The following VPS45 variants were observed in gnomAD, a reference collection of about 807,000 sequenced individuals.
VPS45 encodes vacuolar protein sorting 45 homolog.
VPS45 carries 35 observed loss-of-function variants against 75.9 expected under a neutral mutation model. The observed-to-expected ratio is 0.46, with a 90% CI of 0.35 to 0.61. VPS45 has a LOEUF of 0.61. Among genes scored for constraint, VPS45 ranks in the 20% least tolerant of loss-of-function variants. The probability of loss-of-function intolerance (pLI) is 0.00; values close to 1 mark genes in which losing one functional copy is unlikely to be tolerated. For missense variants in VPS45, 559 were observed against 685.9 expected (o/e 0.81, Z 2.07); for synonymous variants, 220 against 238.2 (o/e 0.92, Z 0.70).
In VPS45 at chr1:150,087,383, G is replaced by A. The variant is rs766368812; in HGVS notation, c.1104+4500G>A. ...ACTCAGTCATTGTTATAATGTGACA[G>A]TGTTCTTTTCTAATAGTCACAAGGC... On this transcript the variant is annotated intron_variant, in intron 10 of 14. Coordinates refer to ENST00000644510, the MANE Select transcript of VPS45 (RefSeq NM_007259.5). 4.4e-4 allele frequency among the ~76,000 whole-genome samples: 67 copies of A among 152,332 alleles called. 1 individual carries two copies. Among genetic ancestry groups the A allele is most frequent in the East Asian group, 5.8e-4 (3 of 5,190 alleles).
intron 14 of VPS45, among the ~76,000 whole-genome samples, chr1:150,118,531 G>A (rs150866048): frequency 0.013 from 2,049 of 151,846 alleles, 45 homozygotes; most frequent in African/African-American, 0.043. Flanking sequence ...TCAGCCTCCA[G>A]AGTAGCTGGC....
intron 10 of VPS45, among the ~76,000 whole-genome samples, chr1:150,090,550 C>A (rs72694905): frequency 0.16 from 23,734 of 151,922 alleles, 2,030 homozygotes; most frequent in African/African-American, 0.19. Context: ...AGAAAGAAAA[C>A]ATTCATATAA....
chr1:150,140,696 A>G (rs1659351056), intron 14 of VPS45, among the ~76,000 whole-genome samples: 1 of 152,118 alleles, frequency 6.6e-6, no homozygotes, highest in African/African-American at 2.4e-5. Context: ...AGTGATGAGG[A>G]TAAGGAGGGT....
chr1:150,080,151 T>TG (rs1202983937), intron 7 of VPS45, among the ~76,000 whole-genome samples: 4 of 150,694 alleles, frequency 2.7e-5, no homozygotes, highest in Non-Finnish European at 5.9e-5. Flanking sequence ...TGTTGTACGT[T>TG]TTTTTTTTTT....
chr1:150,076,512 G>A (rs1655393994), intron 4 of VPS45, 200 bp downstream of exon 4: 1 of 477,900 alleles, frequency 2.1e-6, no homozygotes, highest in Non-Finnish European at 3.7e-6. Context: ...GGATGTGATA[G>A]GTGATAAATG....
chr1:150,122,579 G>T (rs1424350899), intron 14 of VPS45, among the ~76,000 whole-genome samples: 2 of 151,844 alleles, frequency 1.3e-5, no homozygotes, highest in Non-Finnish European at 1.5e-5. Flanking sequence ...TTGGGTTGGG[G>T]TTTTTTTTAA....
intron 13 of VPS45, among the ~76,000 whole-genome samples, chr1:150,096,603 C>T (rs1463427225): frequency 3.3e-5 from 5 of 151,936 alleles, no homozygotes; most frequent in South Asian, 2.1e-4. Context: ...AAAAGGAGGA[C>T]AAATAAGCCA....
At chr1:150,112,566 C>T (rs1002909697) in intron 14 of VPS45, among the ~76,000 whole-genome samples, 1 of 152,100 alleles carries the variant, frequency 6.6e-6, no homozygotes, top group Non-Finnish European at 1.5e-5. Context: ...ACACCAAATA[C>T]ACCATGTCTT....
chr1:150,102,628 G>T (rs1657106177), intron 13 of VPS45, among the ~76,000 whole-genome samples: 1 of 150,824 alleles, frequency 6.6e-6, no homozygotes, highest in Non-Finnish European at 1.5e-5. Flanking sequence ...CAACCTAAAT[G>T]CCCACCAATG....
chr1:150,104,342 T>C lies in VPS45; in HGVS notation c.1494-6154T>C, dbSNP rs115150614. 7.4e-3 allele frequency among the ~76,000 whole-genome samples: 1,127 copies of C among 152,324 alleles called. 19 individuals are homozygous for C. Among genetic ancestry groups the C allele is most frequent in the African/African-American group, 0.026 (1,086 of 41,564 alleles). The stretch of plus-strand genomic sequence containing the variant: ...ATCCATGTTGCTGCAAAGGACATGA[T>C]ATCATTCTTTTTTATGCCTGCTTAG... On this transcript the variant is annotated intron_variant, in intron 13 of 14. Coordinates refer to ENST00000644510, the MANE Select transcript of VPS45 (RefSeq NM_007259.5).
intron 3 of VPS45, among the ~76,000 whole-genome samples, 156 bp from the exon 4 acceptor site, chr1:150,076,077 T>TATATATATATATATATATAA (rs1313052333): frequency 2.2e-4 from 33 of 148,774 alleles, no homozygotes; most frequent in African/African-American, 8.2e-4. Context: ...TATATATATA[T>TATATATATATATATATATAA]ATATATAAAA....
intron 3 of VPS45, 81 bp from the exon 4 acceptor site, chr1:150,076,152 A>T: frequency 1.1e-6 from 1 of 945,884 alleles, no homozygotes; most frequent in Non-Finnish European, 1.5e-6. Flanking sequence ...CTTATTCATT[A>T]GGCTTTAACT....
At chr1:150,131,160 A>T (rs951143200) in intron 14 of VPS45, among the ~76,000 whole-genome samples, 1 of 152,160 alleles carries the variant, frequency 6.6e-6, no homozygotes, top group Non-Finnish European at 1.5e-5. Flanking sequence ...TAGTGTGTTT[A>T]TATCTTCACA....
chr1:150,097,550 CT>C (rs1553803274), intron 13 of VPS45, among the ~76,000 whole-genome samples: 1 of 151,558 alleles, frequency 6.6e-6, no homozygotes. Flanking sequence ...GAAACCCTGT[CT>C]CTACTAAAAA....
chr1:150,068,480 A>G (rs1452792164), intron 1 of VPS45, 150 bp from the exon 2 acceptor site: 15 of 631,804 alleles, frequency 2.4e-5, no homozygotes, highest in Non-Finnish European at 3.6e-5. Context: ...CTCGTATGTT[A>G]CCTACCTGTT....
intron 9 of VPS45, 41 bp from the exon 10 acceptor site, chr1:150,082,675 A>G (rs1006674321): frequency 1.3e-6 from 2 of 1,592,714 alleles, no homozygotes; most frequent in African/African-American, 1.3e-5. Flanking sequence ...TCCTCAGTCA[A>G]AAAATAACAG....
rs117868180 is a variant in VPS45, at chr1:150,102,535, G to A, written c.1494-7961G>A. ...TTGCATTCCAGCCTGGGCAATGAAC[G>A]AAACTCTGTCTCAAAAAAAAAAAAA... On this transcript the variant is annotated intron_variant, in intron 13 of 14. Transcript: ENST00000644510. Among the ~76,000 whole-genome samples the A allele has an allele frequency of 6.7e-4, 70 of 104,296 alleles. No individual in the cohort carries two copies. The East Asian group carries it at 0.018, about 27-fold the overall frequency. 68.4% of individuals were successfully genotyped at this position (104,296 alleles called of 152,430 possible). A position where few individuals can be genotyped will look rare whatever the true frequency, so the allele number is the denominator to read the frequency against.
At chr1:150,137,958 T>C (rs1185573281) in intron 14 of VPS45, among the ~76,000 whole-genome samples, 1 of 151,698 alleles carries the variant, frequency 6.6e-6, no homozygotes, top group Non-Finnish European at 1.5e-5. Flanking sequence ...TCCTGCTATG[T>C]TCTGCATCTT....
At chr1:150,139,564 T>C (rs1450651060) in intron 14 of VPS45, among the ~76,000 whole-genome samples, 1 of 152,118 alleles carries the variant, frequency 6.6e-6, no homozygotes, top group Non-Finnish European at 1.5e-5. Flanking sequence ...TCTCTTTTTT[T>C]TGAGACAGAG....
Sources: gnomAD v4.1 joint callset for allele counts (sites outside exome capture counted in the v4.1 genomes callset) on GRCh38, gnomAD v4.1.1 for gene constraint, MANE v1.5 for transcripts, NCBI Gene and HGNC (gene_info 2026-07-23, HGNC 2026-07-21) for gene names.